The following MBNL2 variants were observed in gnomAD, a reference collection of about 807,000 sequenced individuals.
MBNL2 encodes muscleblind-like protein 2.
In MBNL2, 17 loss-of-function variants were observed where a neutral mutation model predicts 41.9. The observed-to-expected ratio is 0.41, with a 90% confidence interval of 0.28 to 0.61. MBNL2 has a LOEUF of 0.61. Ranked by LOEUF, MBNL2 falls within the 20% of genes least tolerant of loss-of-function variation. MBNL2 has a pLI of 0.35. For synonymous variants in MBNL2, 195 were observed against 182.9 expected (o/e 1.07, Z -0.53); for missense variants, 336 against 505.6 (o/e 0.66, Z 3.22).
In MBNL2 at chr13:97,222,377, C is replaced by T. The variant is rs757091736; in HGVS notation, c.-759C>T. ...ATCTGAAGGTAAAATTTTCCAGATA[C>T]GGCAGACGGCTTTCAGAGTACAATA... is the stretch of plus-strand genomic sequence containing the variant. On this transcript the variant is annotated 5_prime_UTR_variant, in exon 1 of 9. In the 5' UTR this introduces an upstream ATG that the reference lacks. Transcript: ENST00000679496. 1.1e-4 allele frequency: 42 copies of T among 398,446 alleles called. No individual in the cohort carries two copies. The highest frequency in any genetic ancestry group is 1.7e-4 in the Non-Finnish European group (39 of 226,054). 24.7% of individuals were successfully genotyped at this position (398,446 alleles called of 1,614,324 possible).
the MBNL2 span, among the ~76,000 whole-genome samples, chr13:97,203,737 C>A: frequency 6.6e-6 from 1 of 152,248 alleles, no homozygotes; most frequent in African/African-American, 2.4e-5. Flanking sequence ...TATGTAATTC[C>A]TTTAGTTAGT....
At chr13:97,210,185 T>C in the MBNL2 span, among the ~76,000 whole-genome samples, 1 of 152,214 alleles carries the variant, frequency 6.6e-6, no homozygotes. Context: ...CTAAGTGTGG[T>C]CCAAAGTATT....
intron 1 of MBNL2, among the ~76,000 whole-genome samples, chr13:97,248,521 TCC>T (rs1013063628): frequency 1.3e-5 from 2 of 152,264 alleles, no homozygotes; most frequent in East Asian, 1.9e-4. Flanking sequence ...TGATTATAAG[TCC>T]CTGATACCAC....
chr13:97,390,897 T>A (rs909628908), intron 8 of MBNL2, among the ~76,000 whole-genome samples: 1 of 152,150 alleles, frequency 6.6e-6, no homozygotes, highest in Admixed American at 6.5e-5. Flanking sequence ...TTTGAAATAT[T>A]TATATTTAAG....
the MBNL2 span, chr13:97,172,994 A>G: frequency 6.6e-6 from 1 of 152,212 alleles, no homozygotes; most frequent in South Asian, 2.1e-4. Context: ...GGTATCATCA[A>G]AACTCACTGG....
chr13:97,263,615 G>A (rs2049084017), intron 1 of MBNL2, among the ~76,000 whole-genome samples: 1 of 152,112 alleles, frequency 6.6e-6, no homozygotes, highest in Non-Finnish European at 1.5e-5. Context: ...GAACCAGCCT[G>A]TACCTCTGTT....
chr13:97,293,360 ATAGT>A (rs1386006679), intron 2 of MBNL2, among the ~76,000 whole-genome samples: 1 of 152,112 alleles, frequency 6.6e-6, no homozygotes, highest in Non-Finnish European at 1.5e-5. Flanking sequence ...AATTCTAGTA[ATAGT>A]TTGTGGTAGT....
intron 1 of MBNL2, among the ~76,000 whole-genome samples, chr13:97,248,952 A>G (rs1473619240): frequency 6.6e-6 from 1 of 152,192 alleles, no homozygotes; most frequent in Admixed American, 6.5e-5. Context: ...TTGTCACTCC[A>G]TTCTTTTATT....
chr13:97,291,351 C>T (rs897802400), intron 2 of MBNL2, among the ~76,000 whole-genome samples: 1 of 152,010 alleles, frequency 6.6e-6, no homozygotes, highest in Non-Finnish European at 1.5e-5. Context: ...AAGCGATTCT[C>T]CTGCCTCAGC....
the MBNL2 span, among the ~76,000 whole-genome samples, chr13:97,214,377 A>G: frequency 1.6e-4 from 24 of 152,296 alleles, no homozygotes; most frequent in African/African-American, 5.5e-4. Context: ...ATCCTGTACC[A>G]TATTTCAGTC....
At chr13:97,172,966 T>C in the MBNL2 span, 2 of 152,212 alleles carry the variant, frequency 1.3e-5, no homozygotes, top group African/African-American at 4.8e-5. Flanking sequence ...ACATCTTTGA[T>C]ACATCTTAAA....
At chr13:97,199,504 T>C in the MBNL2 span, among the ~76,000 whole-genome samples, 1 of 152,180 alleles carries the variant, frequency 6.6e-6, no homozygotes, top group African/African-American at 2.4e-5. Flanking sequence ...GTATTAATTG[T>C]GGAATGAATG....
At chr13:97,253,952 T>G (rs1369728838) in intron 1 of MBNL2, among the ~76,000 whole-genome samples, 1 of 152,168 alleles carries the variant, frequency 6.6e-6, no homozygotes, top group East Asian at 1.9e-4. Context: ...TACAGTGGCA[T>G]GATCTTCGCT....
At chr13:97,163,344 A>G in the MBNL2 span, among the ~76,000 whole-genome samples, 1 of 152,196 alleles carries the variant, frequency 6.6e-6, no homozygotes. Context: ...GGCTTTCCCT[A>G]GAGCAGCCTT....
In MBNL2 at chr13:97,282,586, C is replaced by T. The variant is rs547458358; in HGVS notation, c.174+6177C>T. Reference sequence around the variant, plus strand: ...AAGGCATTGTTGGTGTGTGTGTGTGCCCATGTGATTTTGAAATGCTTAAGT... The same window carrying T: ...AAGGCATTGTTGGTGTGTGTGTGTGTCCATGTGATTTTGAAATGCTTAAGT... On this transcript the variant is annotated intron_variant, in intron 2 of 8. Coordinates refer to ENST00000679496, the MANE Select transcript of MBNL2 (RefSeq NM_001382683.1). 6.6e-5 allele frequency among the ~76,000 whole-genome samples: 10 copies of T among 152,128 alleles called. No individual in the cohort carries two copies. In the South Asian group the frequency reaches 1.9e-3, roughly 28 times the overall value.
At chr13:97,152,122 CAAAG>C in the MBNL2 span, among the ~76,000 whole-genome samples, 2 of 152,014 alleles carry the variant, frequency 1.3e-5, no homozygotes, top group Admixed American at 1.3e-4. Flanking sequence ...ATTCATGAAA[CAAAG>C]AAGATGAAGT....
At chr13:97,287,880 G>C (rs1594155939) in intron 2 of MBNL2, among the ~76,000 whole-genome samples, 1 of 139,448 alleles carries the variant, frequency 7.2e-6, no homozygotes, top group Non-Finnish European at 1.5e-5. Context: ...GAGTAGCTGG[G>C]ATTACAGGTG....
chr13:97,354,753 C>G (rs1356720540), intron 5 of MBNL2, among the ~76,000 whole-genome samples: 2 of 152,142 alleles, frequency 1.3e-5, no homozygotes, highest in African/African-American at 2.4e-5. Context: ...TCATGAATAT[C>G]AGCCTTTAGA....
In MBNL2 at chr13:97,226,931, T is replaced by A. The variant is rs568987703; in HGVS notation, c.-605+4400T>A. ...TCCCACACTTCTGAGCTGCAGGGTG[T>A]GGGGGAAGCCCCATGCCTTTATCTC... On this transcript the variant is annotated intron_variant, in intron 1 of 8. Transcript: ENST00000679496. Among the ~76,000 whole-genome samples, 4 of 151,806 alleles carry A rather than the reference T, an allele frequency of 2.6e-5. No homozygotes were observed. The East Asian group carries it at 5.8e-4, about 22-fold the overall frequency.
Sources: allele counts gnomAD v4.1 joint callset (sites outside exome capture counted in the v4.1 genomes callset), GRCh38; gene constraint gnomAD v4.1.1; transcripts MANE v1.5; gene names NCBI Gene and HGNC (gene_info 2026-07-23, HGNC 2026-07-21).